Variants in LLGL1 observed in about 807,000 individuals in gnomAD.
LLGL1 encodes the protein lethal(2) giant larvae protein homolog 1.
LLGL1 carries 58 observed loss-of-function variants against 110.6 expected under a neutral mutation model. The ratio of observed to expected loss-of-function variants is 0.52; its 90% CI spans 0.42 to 0.65. The LOEUF (loss-of-function observed/expected upper bound fraction) is 0.65. Among genes scored for constraint, LLGL1 ranks in the 30% least tolerant of loss-of-function variants. The pLI, the probability that LLGL1 is intolerant of heterozygous loss-of-function variation, is 0.00. For missense variants in LLGL1, 1,229 were observed against 1,462.1 expected (o/e 0.84, Z 2.60); for synonymous variants, 674 against 607.2 (o/e 1.11, Z -1.62).
In LLGL1 at chr17:18,234,112, G is replaced by A. The variant is rs368169624; in HGVS notation, c.651G>A (p.Arg217=). 1.6e-5 allele frequency: 25 copies of A among 1,611,936 alleles called. No individual in the cohort carries two copies. The Middle Eastern group carries it at 6.6e-4, about 43-fold the overall frequency. ...DPTKILIGYS[R]GLLVIWNQAS... Reference sequence around the variant, plus strand: ...CAAAGATTCTCATTGGCTACAGCCGGGGCCTGCTGGTCATCTGGAACCAGG... The same window carrying A: ...CAAAGATTCTCATTGGCTACAGCCGAGGCCTGCTGGTCATCTGGAACCAGG... The change falls in exon 6 of 23, where the codon CGG becomes CGA. Residue 217 remains arginine (R), a synonymous_variant. Coordinates refer to ENST00000316843, the MANE Select transcript of LLGL1 (RefSeq NM_004140.4).
intron 11 of LLGL1, chr17:18,236,339 C>T (rs1271133843): frequency 4.2e-6 from 2 of 474,854 alleles, no homozygotes; most frequent in South Asian, 2.8e-5. Flanking sequence ...CCCCCTTTGC[C>T]ACCTCCTGTT....
rs559470761 is a variant in LLGL1, at chr17:18,235,073, T to G, written c.1061-16T>G. On this transcript the variant is annotated splice_polypyrimidine_tract_variant and intron_variant, in intron 9 of 22. Transcript: ENST00000316843. ...ACCTATGGCTGTGCTCACCCCATAC[T>G]CCCTCCGTCCCACAGAATTTGATGA... 6.2e-7 allele frequency: 1 copy of G among 1,613,680 alleles called. No individual in the cohort carries two copies. Among genetic ancestry groups the G allele is most frequent in the African/African-American group, 1.3e-5 (1 of 74,988 alleles).
chr17:18,229,859 C>A, intron 1 of LLGL1, 82 bp from the exon 2 acceptor site: 1 of 910,636 alleles, frequency 1.1e-6, no homozygotes, highest in Non-Finnish European at 1.7e-6. Context: ...ACCCTGGAGG[C>A]TGCCTTGGGG....
chr17:18,240,950 CAAG>C lies in LLGL1; in HGVS notation c.2502+80_2502+82del. The C allele has an allele frequency of 7.2e-7, 1 of 1,379,444 alleles. No individual in the cohort carries two copies. Among genetic ancestry groups the C allele is most frequent in the Non-Finnish European group, 9.7e-7 (1 of 1,035,344 alleles). 85.5% of individuals were successfully genotyped at this position (1,379,444 alleles called of 1,614,324 possible). On this transcript the variant is annotated intron_variant, in intron 17 of 22. Transcript: ENST00000316843. This position sits in a 1 kb window ranked among gnomAD's most constrained non-coding sequence, Gnocchi z 5.3. Reference sequence around the variant, plus strand: ...AACCTCATGGACACCATTGGACCCTCAAGAAACCCTTCCTGCCTGTATCCCCCA... The same window carrying C: ...AACCTCATGGACACCATTGGACCCTCAAACCCTTCCTGCCTGTATCCCCCA...
rs529634225 is a variant in LLGL1, at chr17:18,238,496, C to T, written c.2093C>T (p.Pro698Leu). 6 of 1,612,356 alleles carry T rather than the reference C, an allele frequency of 3.7e-6. No homozygotes were observed. Among genetic ancestry groups the T allele is most frequent in the Non-Finnish European group, 5.1e-6 (6 of 1,179,950 alleles). The stretch of plus-strand genomic sequence containing the variant: ...GCACAGCTGGCTGAGCAGGCCTGCC[C>T]CCACGACGTGGAGATGACGCCCGTG... ...ANAQLAEQAC[P>L]HDVEMTPVQR... The change falls in exon 16 of 23, where the codon CCC (proline) becomes CTC (leucine). Residue 698 changes from proline to leucine, a missense_variant. Transcript: ENST00000316843.
At chr17:18,238,716 C>T in intron 16 of LLGL1, 107 bp downstream of exon 16, 2 of 1,179,314 alleles carry the variant, frequency 1.7e-6, no homozygotes, top group East Asian at 2.4e-5. Context: ...ACTGCACCTT[C>T]CAGGAGGTGG....
intron 2 of LLGL1, 69 bp downstream of exon 2, chr17:18,230,107 G>C (rs1419029125): frequency 8.0e-7 from 1 of 1,252,552 alleles, no homozygotes; most frequent in Non-Finnish European, 1.1e-6. Context: ...TGTGCTCTGG[G>C]GTCCCAGTCT....
chr17:18,234,438 G>T, intron 7 of LLGL1, 30 bp downstream of exon 7: 12 of 1,606,590 alleles, frequency 7.5e-6, no homozygotes, highest in Non-Finnish European at 1.0e-5. Flanking sequence ...TAGCCAGAGG[G>T]TGGTGATGGG....
At chr17:18,241,014 C>T (rs1256270461) in intron 17 of LLGL1, 141 bp downstream of exon 17, 2 of 910,828 alleles carry the variant, frequency 2.2e-6, no homozygotes, top group Non-Finnish European at 3.2e-6. Context: ...CCCCAGAAAA[C>T]ACTCCCAGCC....
intron 16 of LLGL1, among the ~76,000 whole-genome samples, chr17:18,238,819 AGGCCAACATGGT>A (rs1248114518): frequency 3.9e-5 from 6 of 152,116 alleles, no homozygotes; most frequent in Non-Finnish European, 7.4e-5. Context: ...GAGACCCGCC[AGGCCAACATGGT>A]GAAACCTCGT....
intron 4 of LLGL1, 64 bp downstream of exon 4, chr17:18,232,866 C>A: frequency 6.2e-7 from 1 of 1,602,906 alleles, no homozygotes; most frequent in Non-Finnish European, 8.5e-7. Flanking sequence ...GCTGTGGGAA[C>A]CTGCTGTGCA....
intron 22 of LLGL1, among the ~76,000 whole-genome samples, 185 bp downstream of exon 22, chr17:18,243,007 A>G (rs1200716831): frequency 6.6e-6 from 1 of 152,230 alleles, no homozygotes. Flanking sequence ...TCACACAGAC[A>G]CCAGTGTCAT....
rs1328394102 is a variant in LLGL1 at position 18,242,536 on chromosome 17, C to T, written c.3024C>T (p.Leu1008=). ...CCCCGGAGCCACCCGAGGCTGCACT[C>T]TCACCCATGTCCATCGACTCAGCCA... ...PDTPEPPEAA[L]SPMSIDSATS... Residue 1008 remains leucine (L), a synonymous_variant, in exon 21 of 23, where the codon CTC becomes CTT. Coordinates refer to ENST00000316843, the MANE Select transcript of LLGL1 (RefSeq NM_004140.4). The T allele has an allele frequency of 5.0e-6, 8 of 1,613,886 alleles. No homozygotes were observed. The African/African-American group carries it at 6.7e-5, about 13-fold the overall frequency.
In LLGL1 at chr17:18,244,736, A is replaced by AGGGGGGGGGGGGGGGGGG. The variant is rs1567700333; in HGVS notation, c.*840_*841insGGGGGGGGGGGGGGGGGG. On this transcript the variant is annotated 3_prime_UTR_variant, in exon 23 of 23. Transcript: ENST00000316843. ...TGTGTGTCCGGCGGGGGGGGGGGGC[A>AGGGGGGGGGGGGGGGGGG]GGGGGGGGGGTCAAGATGAGTTTCC... is the stretch of plus-strand genomic sequence containing the variant. 2.0e-4 allele frequency: 2 copies of AGGGGGGGGGGGGGGGGGG among 10,212 alleles called. No homozygotes were observed. Among genetic ancestry groups the AGGGGGGGGGGGGGGGGGG allele is most frequent in the African/African-American group, 6.8e-4 (2 of 2,942 alleles). 0.6% of individuals were successfully genotyped at this position (10,212 alleles called of 1,614,324 possible).
intron 2 of LLGL1, among the ~76,000 whole-genome samples, chr17:18,231,669 G>T (rs1439490733): frequency 6.6e-6 from 1 of 152,010 alleles, no homozygotes; most frequent in African/African-American, 2.4e-5. Flanking sequence ...GTTTTGTTTT[G>T]TTTTTTTGAG....
At chr17:18,235,979 C>A (rs1202863375) in intron 11 of LLGL1, 1 of 202,982 alleles carries the variant, frequency 4.9e-6, no homozygotes, top group Non-Finnish European at 1.0e-5. Flanking sequence ...TGCTGAAGAG[C>A]TTGCCGTGGC....
rs1229730513 is a variant in LLGL1, at chr17:18,240,774, C to T, written c.2403C>T (p.Arg801=). 1.2e-6 allele frequency: 2 copies of T among 1,605,432 alleles called. No individual in the cohort carries two copies. The highest frequency in any genetic ancestry group is 1.7e-6 in the Non-Finnish European group (2 of 1,176,030). The change falls in exon 17 of 23, where the codon CGC becomes CGT. Residue 801 remains arginine (R), a synonymous_variant. Transcript: ENST00000316843. This position sits in a 1 kb window ranked among gnomAD's most constrained non-coding sequence, Gnocchi z 5.3. ...VAIAVLDGRG[R]PLPEPYEASR... ...TTGCCGTGTTGGACGGGCGTGGCCGCCCACTGCCCGAGCCCTACGAGGCCT... is the reference window on the plus strand; with the variant it reads ...TTGCCGTGTTGGACGGGCGTGGCCGTCCACTGCCCGAGCCCTACGAGGCCT...
intron 11 of LLGL1, 174 bp downstream of exon 11, chr17:18,235,711 A>G: frequency 1.6e-6 from 1 of 633,096 alleles, no homozygotes; most frequent in Non-Finnish European, 2.7e-6. Context: ...CCTTGGTTCA[A>G]GGTGCTGCCC....
chr17:18,236,270 A>C (rs986096490), intron 11 of LLGL1: 2 of 263,292 alleles, frequency 7.6e-6, no homozygotes, highest in African/African-American at 4.5e-5. Context: ...ACTCTTGATC[A>C]CCTCTGATGG....
Sources: gnomAD v4.1 joint callset for allele counts (sites outside exome capture counted in the v4.1 genomes callset) on GRCh38, gnomAD v4.1.1 for gene constraint, Gnocchi (gnomAD v3.1) non-coding constraint, MANE v1.5 for transcripts, NCBI Gene and HGNC (gene_info 2026-07-23, HGNC 2026-07-21) for gene names.